The following PPIH variants were observed in gnomAD, a reference collection of about 807,000 sequenced individuals.
PPIH encodes the protein peptidylprolyl isomerase H.
A neutral mutation model predicts 27.6 loss-of-function variants in PPIH; 16 were observed. That is an observed-to-expected ratio of 0.58 (90% CI 0.39 to 0.88). The LOEUF (loss-of-function observed/expected upper bound fraction) is 0.88, where lower values mean the gene tolerates loss of function less well. Ranked by LOEUF, PPIH falls within the 40% of genes least tolerant of loss-of-function variation. The probability of loss-of-function intolerance (pLI) is 0.00; values close to 1 mark genes in which losing one functional copy is unlikely to be tolerated. For synonymous variants in PPIH, 63 were observed against 76.1 expected, an observed-to-expected ratio of 0.83 and a Z score of 0.90; for missense variants, 155 against 224.1, an observed-to-expected ratio of 0.69 and a Z score of 1.97.
intron 9 of PPIH, chr1:42,675,358 CTCTTCCAGG>C (rs1649831330): frequency 6.6e-6 from 1 of 152,282 alleles, no homozygotes; most frequent in African/African-American, 2.4e-5. Flanking sequence ...CCTCCACCTC[CTCTTCCAGG>C]TCTAAGCCCA....
At chr1:42,680,702 T>TC (rs1401375172), downstream of PPIH, among the ~76,000 whole-genome samples, 1 of 152,186 alleles carries the variant, frequency 6.6e-6, no homozygotes, top group Non-Finnish European at 1.5e-5. Context: ...CCGACTACAC[T>TC]CCGTTTTTCT....
Position 42,660,781 on chromosome 1 carries a change from G to A in PPIH, c.201-81G>A, listed in dbSNP as rs558053393. Reference sequence around the variant, plus strand: ...AGTGATAGTGTATTTTGAAATCAACGTTAATCTAATACAATAATAACAACA... The same window carrying A: ...AGTGATAGTGTATTTTGAAATCAACATTAATCTAATACAATAATAACAACA... On this transcript the variant is annotated intron_variant, in intron 4 of 9. Coordinates refer to ENST00000304979, the MANE Select transcript of PPIH (RefSeq NM_006347.4). 9.3e-5 allele frequency: 115 copies of A among 1,230,498 alleles called. No homozygotes were observed. The South Asian group carries it at 1.2e-3, about 13-fold the overall frequency. 76.2% of individuals were successfully genotyped at this position (1,230,498 alleles called of 1,614,324 possible). A position where few individuals can be genotyped will look rare whatever the true frequency, so the allele number is the denominator to read the frequency against.
rs1570387784 is a variant in PPIH, at chr1:42,664,713, G to T, written c.244-150G>T. On this transcript the variant is annotated intron_variant, in intron 5 of 9. Coordinates refer to ENST00000304979, the MANE Select transcript of PPIH (RefSeq NM_006347.4). ...ATATAAGGCTTGATCTGATTGCAGG[G>T]TGGGGTCAAATAGGTGCAGCTTCCA... 6.6e-6 allele frequency: 4 copies of T among 603,240 alleles called. No individual in the cohort carries two copies. The Admixed American group carries it at 1.3e-4, about 20-fold the overall frequency. 37.4% of individuals were successfully genotyped at this position (603,240 alleles called of 1,614,324 possible).
At chr1:42,658,692 C>T in intron 1 of PPIH, 152 bp from the exon 2 acceptor site, 1 of 1,139,508 alleles carries the variant, frequency 8.8e-7, no homozygotes, top group East Asian at 2.4e-5. Flanking sequence ...ATCCTAGCGC[C>T]CCGCTTCTGG....
intron 5 of PPIH, among the ~76,000 whole-genome samples, chr1:42,661,628 T>C (rs1263611491): frequency 6.6e-6 from 1 of 152,170 alleles, no homozygotes; most frequent in African/African-American, 2.4e-5. Flanking sequence ...CTTATTAATA[T>C]CATTTGGTTA....
chr1:42,665,444 G>C (rs1348316174), intron 6 of PPIH, among the ~76,000 whole-genome samples: 2 of 152,124 alleles, frequency 1.3e-5, no homozygotes, highest in Non-Finnish European at 2.9e-5. Context: ...CAGTAGGTAA[G>C]GCCCACTAGC....
chr1:42,660,475 G>T (rs1286180869), intron 4 of PPIH, among the ~76,000 whole-genome samples: 4 of 152,086 alleles, frequency 2.6e-5, no homozygotes, highest in African/African-American at 7.2e-5. Context: ...TGTCGCCCAG[G>T]CTAAAGTGCA....
At chr1:42,673,167 T>A (rs114915060) in intron 9 of PPIH, among the ~76,000 whole-genome samples, 1,750 of 152,120 alleles carry the variant, frequency 0.012, 34 homozygotes, top group African/African-American at 0.04. Flanking sequence ...GCTAACTTTT[T>A]AGAGATGGGG....
intron 9 of PPIH, among the ~76,000 whole-genome samples, chr1:42,674,988 T>G (rs1039187149): frequency 7.9e-5 from 12 of 152,232 alleles, no homozygotes; most frequent in Non-Finnish European, 1.6e-4. Context: ...TGGAATACTA[T>G]ACAGCCTTAA....
chr1:42,658,969 G>A, intron 2 of PPIH, 61 bp downstream of exon 2: 1 of 1,533,626 alleles, frequency 6.5e-7, no homozygotes, highest in Non-Finnish European at 9.0e-7. Flanking sequence ...CCAGTCAGCC[G>A]CCTGAAATAG....
intron 5 of PPIH, among the ~76,000 whole-genome samples, chr1:42,663,943 A>C (rs1477664910): frequency 1.3e-5 from 2 of 152,052 alleles, no homozygotes; most frequent in Non-Finnish European, 2.9e-5. Context: ...AAACTCAGGG[A>C]TTCTATTTAA....
At chr1:42,677,023 T>A (rs146895892), downstream of PPIH, among the ~76,000 whole-genome samples, 488 of 152,296 alleles carry the variant, frequency 3.2e-3, 7 homozygotes, top group East Asian at 6.7e-3. Flanking sequence ...CCAAGGATGT[T>A]CCCAGAAGGA....
At chr1:42,661,850 G>GTT (rs66724307) in intron 5 of PPIH, among the ~76,000 whole-genome samples, 2 of 151,620 alleles carry the variant, frequency 1.3e-5, no homozygotes, top group South Asian at 4.2e-4. Flanking sequence ...AAAAATCCTA[G>GTT]TTTTTTTTTC....
downstream of PPIH, chr1:42,681,302 T>A (rs1173853734): frequency 6.6e-6 from 1 of 152,252 alleles, no homozygotes. Context: ...TCTCACCTCT[T>A]CTCGCCTGTA....
intron 3 of PPIH, 65 bp from the exon 4 acceptor site, chr1:42,659,457 A>G: frequency 6.2e-7 from 1 of 1,614,158 alleles, no homozygotes; most frequent in Non-Finnish European, 8.5e-7. Flanking sequence ...GCTCCAGTGC[A>G]TGGTAAACTG....
chr1:42,664,867 A>G lies in PPIH; in HGVS notation c.248A>G (p.Asp83Gly). Residue 83 changes from aspartate (D) to glycine (G), a missense_variant, in exon 6 of 10, where the codon GAT becomes GGT. Physicochemically the swap from Asp to Gly is moderately conservative, Grantham distance 94. This residue lies in a region of PPIH where 96 missense variants were observed against 175.3 expected (regional missense o/e 0.55). Transcript: ENST00000304979. ...MIQGGDFVNGDGTGVASIYRG... is the reference protein window; with the variant it reads ...MIQGGDFVNGGGTGVASIYRG... The stretch of plus-strand genomic sequence containing the variant: ...ACTTCCCTTCTCTCTGCTCAGGGAG[A>G]TGGTACTGGAGTCGCCAGTATTTAC... 1 of 1,610,274 alleles carries G rather than the reference A, an allele frequency of 6.2e-7. No individual in the cohort carries two copies. Among genetic ancestry groups the G allele is most frequent in the Non-Finnish European group, 8.5e-7 (1 of 1,178,480 alleles).
In PPIH at chr1:42,658,913, G is replaced by A; in HGVS notation, c.131+5G>A. The stretch of plus-strand genomic sequence containing the variant: ...TAAGACGGCCGAGAACTTTAGGTAA[G>A]GACGTGCTCCAGCTCCGCTGGATTA... On this transcript the variant is annotated splice_donor_5th_base_variant and intron_variant, in intron 2 of 9. Coordinates refer to ENST00000304979, the MANE Select transcript of PPIH (RefSeq NM_006347.4). 6.2e-7 allele frequency: 1 copy of A among 1,614,104 alleles called. No homozygotes were observed. Among genetic ancestry groups the A allele is most frequent in the Non-Finnish European group, 8.5e-7 (1 of 1,179,926 alleles).
chr1:42,667,263 C>T (rs1032826654), intron 8 of PPIH, 88 bp from the exon 9 acceptor site: 9 of 1,210,408 alleles, frequency 7.4e-6, no homozygotes, highest in Non-Finnish European at 1.1e-5. Flanking sequence ...GAGTCCTTAG[C>T]ACAGGGCTGG....
At chr1:42,671,449 AAAAT>A (rs1649632006) in intron 9 of PPIH, among the ~76,000 whole-genome samples, 1 of 152,192 alleles carries the variant, frequency 6.6e-6, no homozygotes, top group Non-Finnish European at 1.5e-5. Flanking sequence ...AGTAAATAAA[AAAAT>A]AATAAATGTA....
Sources: allele counts gnomAD v4.1 joint callset (sites outside exome capture counted in the v4.1 genomes callset), GRCh38; gene constraint gnomAD v4.1.1; regional missense constraint gnomAD v4.1.1; transcripts MANE v1.5; gene names NCBI Gene and HGNC (gene_info 2026-07-23, HGNC 2026-07-21).